TUBE1: variants seen among roughly 807,000 people sequenced by gnomAD.
TUBE1 encodes tubulin epsilon chain.
In TUBE1, 34 loss-of-function variants were observed where a neutral mutation model predicts 53.5. The ratio of observed to expected loss-of-function variants is 0.64; its 90% CI spans 0.48 to 0.85. The LOEUF (loss-of-function observed/expected upper bound fraction) is 0.85. TUBE1 is among the 40% of genes least tolerant of loss of function. The pLI is 0.00. For missense variants in TUBE1, 532 were observed against 570.5 expected (o/e 0.93, Z 0.69); for synonymous variants, 177 against 198.4 (o/e 0.89, Z 0.91).
At chr6:112,084,103 T>C in intron 4 of TUBE1, 86 bp downstream of exon 4, 2 of 1,130,320 alleles carry the variant, frequency 1.8e-6, no homozygotes, top group Non-Finnish European at 2.6e-6. Flanking sequence ...CTTTGAAAAG[T>C]TTAAAGTTTT....
At chr6:112,071,814 C>T in intron 11 of TUBE1, 88 bp downstream of exon 11, 2 of 1,287,880 alleles carry the variant, frequency 1.6e-6, no homozygotes, top group South Asian at 1.5e-5. Context: ...GAAAACATCA[C>T]CCCTGATTTG....
Position 112,084,145 on chromosome 6 carries a change from T to A in TUBE1, c.210+44A>T, listed in dbSNP as rs782618988. On this transcript the variant is annotated intron_variant, in intron 4 of 11. Coordinates refer to ENST00000368662, the MANE Select transcript of TUBE1 (RefSeq NM_016262.5). ...ATGATAGTTACTGAGAATAGTTATT[T>A]AAAAAATACATGTAATATAAGAATC... 6.2e-6 allele frequency: 9 copies of A among 1,460,158 alleles called. No individual in the cohort carries two copies. The African/African-American group carries it at 1.1e-4, about 18-fold the overall frequency. The allele number at this position is 1,460,158 out of a possible 1,614,324, so 90.5% of individuals were successfully genotyped here. A position where few individuals can be genotyped will look rare whatever the true frequency, so the allele number is the denominator to read the frequency against.
At chr6:112,081,280 T>C in intron 4 of TUBE1, 73 bp from the exon 5 acceptor site, 4 of 771,916 alleles carry the variant, frequency 5.2e-6, no homozygotes, top group Non-Finnish European at 8.5e-6. Flanking sequence ...GAAAAGAATT[T>C]ATGCGCTGAA....
At chr6:112,079,573 C>A (rs1554316457) in intron 6 of TUBE1, 60 bp downstream of exon 6, 1 of 1,573,698 alleles carries the variant, frequency 6.4e-7, no homozygotes, top group Admixed American at 1.8e-5. Flanking sequence ...CTTACGTTTG[C>A]AAAATGAATT....
chr6:112,075,384 G>A (rs1228210058), intron 8 of TUBE1: 3 of 152,144 alleles, frequency 2.0e-5, no homozygotes, highest in African/African-American at 7.2e-5. Flanking sequence ...TATCTGAAGT[G>A]TAATCAATAT....
At chr6:112,086,205 T>A (rs1777153634) in intron 3 of TUBE1, among the ~76,000 whole-genome samples, 1 of 152,358 alleles carries the variant, frequency 6.6e-6, no homozygotes, top group African/African-American at 2.4e-5. Flanking sequence ...GTCACCTTTT[T>A]AAGTATATTT....
At chr6:112,081,449 G>GA (rs1322823493) in intron 4 of TUBE1, among the ~76,000 whole-genome samples, 2 of 151,898 alleles carry the variant, frequency 1.3e-5, no homozygotes, top group African/African-American at 4.8e-5. Context: ...CTAGTTGGGG[G>GA]AAAAAAGCCC....
intron 9 of TUBE1, among the ~76,000 whole-genome samples, chr6:112,073,846 G>A (rs1776908789): frequency 6.6e-6 from 1 of 152,106 alleles, no homozygotes; most frequent in Non-Finnish European, 1.5e-5. Context: ...CAAAATTATA[G>A]CTCAATGCAG....
chr6:112,087,220 G>T lies in TUBE1; in HGVS notation c.99+13C>A. On this transcript the variant is annotated intron_variant, in intron 2 of 11. Transcript: ENST00000368662. Reference sequence around the variant, plus strand: ...GCTGACAGGCGAGGGGGCTCGCGGCGGCGGGCGGGTACCTGGTTGACCGCG... The same window carrying T: ...GCTGACAGGCGAGGGGGCTCGCGGCTGCGGGCGGGTACCTGGTTGACCGCG... 1.9e-6 allele frequency: 3 copies of T among 1,549,730 alleles called. No homozygotes were observed. The highest frequency in any genetic ancestry group is 2.6e-6 in the Non-Finnish European group (3 of 1,146,266).
At chr6:112,081,689 T>G (rs1554316770) in intron 4 of TUBE1, among the ~76,000 whole-genome samples, 1 of 151,974 alleles carries the variant, frequency 6.6e-6, no homozygotes, top group Non-Finnish European at 1.5e-5. Context: ...ACATGGTCCC[T>G]TCCCCCAAGT....
chr6:112,084,230 C>T lies in TUBE1; in HGVS notation c.169G>A (p.Gly57Arg). The T allele has an allele frequency of 6.2e-7, 1 of 1,613,326 alleles. No homozygotes were observed. ...CATATTTTTCCCTTGGAAATACTTC[C>T]ACCATCACCAACCACTCTGAAAGAT... ...NVDTRVVGDG[G>R]SISKGKICSL... The change falls in exon 4 of 12, where the codon GGA (glycine) becomes AGA (arginine). Residue 57 changes from glycine to arginine, a missense_variant. Physicochemically the swap from Gly to Arg is moderately radical, Grantham distance 125. Coordinates refer to ENST00000368662, the MANE Select transcript of TUBE1 (RefSeq NM_016262.5).
rs997570013 is a variant in TUBE1, at chr6:112,079,711, T to C, written c.370A>G (p.Ile124Val). 1.2e-6 allele frequency: 2 copies of C among 1,612,036 alleles called. No homozygotes were observed. The highest frequency in any genetic ancestry group is 2.7e-5 in the African/African-American group (2 of 74,752). Residue 124 changes from isoleucine to valine, a missense_variant, in exon 6 of 12, where the codon ATT becomes GTT. Coordinates refer to ENST00000368662, the MANE Select transcript of TUBE1 (RefSeq NM_016262.5). The part of the protein sequence containing the change: ...KVFGSLYQDQ[I>V]LEKFRKSAEH... ...GCCGACTTTCTGAATTTCTCTAAAA[T>C]CTGGTCTTGGTAAAGACTGCCGAAA...
intron 2 of TUBE1, 65 bp from the exon 3 acceptor site, chr6:112,086,673 A>G: frequency 9.3e-7 from 1 of 1,074,104 alleles, no homozygotes; most frequent in South Asian, 1.3e-5. Flanking sequence ...AAGTTCTTTC[A>G]ATTTTAATTA....
At position 112,071,977 on chromosome 6, in the gene TUBE1, A is replaced by C; in HGVS notation, c.1194T>G (p.Ala398=). 6.2e-7 allele frequency: 1 copy of C among 1,613,250 alleles called. No homozygotes were observed. Among genetic ancestry groups the C allele is most frequent in the Non-Finnish European group, 8.5e-7 (1 of 1,179,646 alleles). The change falls in exon 11 of 12, where the codon GCT becomes GCG. Residue 398 remains alanine (A), a synonymous_variant. Coordinates refer to ENST00000368662, the MANE Select transcript of TUBE1 (RefSeq NM_016262.5). Reference sequence around the variant, plus strand: ...GCTTCACACATGTGTTATTTGCTAAAGCTAATAACGAATGAGAATGGCCCA... The same window carrying C: ...GCTTCACACATGTGTTATTTGCTAACGCTAATAACGAATGAGAATGGCCCA... ...PPVGHSHSLL[A]LANNTCVKPT...
intron 11 of TUBE1, 93 bp downstream of exon 11, chr6:112,071,809 C>T: frequency 7.9e-7 from 1 of 1,259,754 alleles, no homozygotes. Context: ...TAATAGAAAA[C>T]ATCACCCCTG....
Position 112,085,101 on chromosome 6 carries a change from T to C in TUBE1, c.153-855A>G, listed in dbSNP as rs782690769. ...AAAAGACTTTATGGTTCACAAAACC[T>C]AAAATATTTACTGCCTGGTCCTTTA... On this transcript the variant is annotated intron_variant, in intron 3 of 11. Coordinates refer to ENST00000368662, the MANE Select transcript of TUBE1 (RefSeq NM_016262.5). Among the ~76,000 whole-genome samples the C allele has an allele frequency of 3.3e-5, 5 of 152,216 alleles. 1 individual carries two copies. The South Asian group carries it at 1.0e-3, about 31-fold the overall frequency.
chr6:112,077,088 G>A (rs1776984026), intron 6 of TUBE1: 4 of 152,060 alleles, frequency 2.6e-5, no homozygotes, highest in Non-Finnish European at 5.9e-5. Flanking sequence ...ACATGCACAA[G>A]TAAAAAATTC....
chr6:112,080,599 A>T (rs1777054290), intron 5 of TUBE1, among the ~76,000 whole-genome samples: 1 of 152,116 alleles, frequency 6.6e-6, no homozygotes, highest in African/African-American at 2.4e-5. Flanking sequence ...AAAAACAGCA[A>T]CAGTCTCAAT....
At chr6:112,082,437 A>C (rs1376263053) in intron 4 of TUBE1, among the ~76,000 whole-genome samples, 4 of 152,210 alleles carry the variant, frequency 2.6e-5, no homozygotes, top group Non-Finnish European at 5.9e-5. Flanking sequence ...CCTTGTTCCA[A>C]AATAGATTTA....
Sources: gnomAD v4.1 joint callset for allele counts (sites outside exome capture counted in the v4.1 genomes callset) on GRCh38, gnomAD v4.1.1 for gene constraint, MANE v1.5 for transcripts, NCBI Gene and HGNC (gene_info 2026-07-23, HGNC 2026-07-21) for gene names.